Variants in FNIP1 observed in about 807,000 individuals in gnomAD.
FNIP1 encodes the protein folliculin interacting protein 1, also known as folliculin-interacting protein 1.
Under a neutral mutation model 124.5 loss-of-function variants are expected in FNIP1, and 40 were observed. The ratio of observed to expected loss-of-function variants is 0.32; its 90% CI spans 0.25 to 0.42. FNIP1 has a LOEUF of 0.42. Among genes scored for constraint, FNIP1 ranks in the 10% least tolerant of loss-of-function variants. The probability of loss-of-function intolerance (pLI) is 1.00; values close to 1 mark genes in which losing one functional copy is unlikely to be tolerated. For synonymous variants in FNIP1, 472 were observed against 470.6 expected, an observed-to-expected ratio of 1.00 and a Z score of -0.04; for missense variants, 1,176 against 1,403.7, an observed-to-expected ratio of 0.84 and a Z score of 2.59.
intron 3 of FNIP1, among the ~76,000 whole-genome samples, chr5:131,722,305 T>C (rs1334467405): frequency 1.3e-5 from 2 of 152,192 alleles, no homozygotes; most frequent in Non-Finnish European, 2.9e-5. Context: ...ACCTAGATAG[T>C]ACACTTTTAG....
rs543018844 is a variant in FNIP1 at position 131,666,290 on chromosome 5, T to C, written c.3108+4173A>G. Among the ~76,000 whole-genome samples the C allele has an allele frequency of 5.3e-5, 8 of 152,340 alleles. No individual in the cohort carries two copies. The South Asian group carries it at 1.7e-3, about 32-fold the overall frequency. The stretch of plus-strand genomic sequence containing the variant: ...ATTGAAGGTATTTTATTTTTCTTTT[T>C]GTCAAATTTTTCTATAATAGTGCTT... On this transcript the variant is annotated intron_variant, in intron 15 of 17. Transcript: ENST00000510461.
intron 1 of FNIP1, among the ~76,000 whole-genome samples, chr5:131,761,232 C>A (rs908690526): frequency 6.6e-6 from 1 of 152,156 alleles, no homozygotes; most frequent in African/African-American, 2.4e-5. Flanking sequence ...TAGCATTCAT[C>A]ATTCCCTCTG....
At chr5:131,718,569 A>G (rs917211943) in intron 5 of FNIP1, among the ~76,000 whole-genome samples, 3 of 152,208 alleles carry the variant, frequency 2.0e-5, no homozygotes, top group Admixed American at 6.5e-5. Flanking sequence ...CCTGGTGGCT[A>G]TCATTATATA....
intron 1 of FNIP1, among the ~76,000 whole-genome samples, chr5:131,764,105 T>A (rs1771339286): frequency 6.6e-6 from 1 of 151,960 alleles, no homozygotes; most frequent in Non-Finnish European, 1.5e-5. Context: ...TTGCTCCTGC[T>A]CTAGCCATGT....
At chr5:131,671,444 T>A (rs1266968973) in intron 14 of FNIP1, 61 bp downstream of exon 14, 2 of 1,326,754 alleles carry the variant, frequency 1.5e-6, no homozygotes, top group Non-Finnish European at 2.1e-6. Context: ...AGAGAACAGC[T>A]AAAAAAGAGA....
chr5:131,662,340 C>T (rs1767466286), intron 15 of FNIP1, among the ~76,000 whole-genome samples: 1 of 152,088 alleles, frequency 6.6e-6, no homozygotes, highest in African/African-American at 2.4e-5. Context: ...ATCATCTAAA[C>T]TTTAATAGGC....
chr5:131,730,826 A>G, intron 3 of FNIP1, 78 bp downstream of exon 3: 6 of 1,179,908 alleles, frequency 5.1e-6, no homozygotes, highest in Middle Eastern at 2.0e-4. Context: ...AATTGCTATT[A>G]TATCTCCACA....
chr5:131,696,691 A>G (rs1380131143), intron 11 of FNIP1, among the ~76,000 whole-genome samples: 1 of 152,298 alleles, frequency 6.6e-6, no homozygotes, highest in South Asian at 2.1e-4. Context: ...AAATTAATAT[A>G]TGGCAGAAAT....
At chr5:131,657,749 A>AAAAAAAAC (rs1767246492) in intron 15 of FNIP1, among the ~76,000 whole-genome samples, 2 of 150,964 alleles carry the variant, frequency 1.3e-5, no homozygotes, top group African/African-American at 4.9e-5. Context: ...AAAAAAAAAA[A>AAAAAAAAC]AAAAAAAAAC....
chr5:131,769,630 T>C (rs1341155947), intron 1 of FNIP1, among the ~76,000 whole-genome samples: 1 of 152,178 alleles, frequency 6.6e-6, no homozygotes, highest in Non-Finnish European at 1.5e-5. Context: ...CATGCTGCAA[T>C]GCAAAAAGGC....
chr5:131,697,037 T>A (rs1433701245), intron 11 of FNIP1, among the ~76,000 whole-genome samples: 1 of 152,210 alleles, frequency 6.6e-6, no homozygotes, highest in South Asian at 2.1e-4. Context: ...TTTTAAAATT[T>A]TATATATATG....
At chr5:131,750,453 G>C (rs562205049) in intron 1 of FNIP1, among the ~76,000 whole-genome samples, 1 of 152,116 alleles carries the variant, frequency 6.6e-6, no homozygotes, top group Admixed American at 6.5e-5. Flanking sequence ...CCAAGCAGTG[G>C]TTAGGGCAAG....
chr5:131,662,671 A>T (rs1767475298), intron 15 of FNIP1, among the ~76,000 whole-genome samples: 1 of 150,802 alleles, frequency 6.6e-6, no homozygotes. Flanking sequence ...CCTTCCATGC[A>T]CAGCTTCTCA....
intron 15 of FNIP1, among the ~76,000 whole-genome samples, chr5:131,660,088 C>T (rs1015388637): frequency 5.9e-5 from 9 of 152,102 alleles, no homozygotes; most frequent in African/African-American, 1.2e-4. Flanking sequence ...CCATTGTCGA[C>T]GACAAGCACA....
intron 3 of FNIP1, among the ~76,000 whole-genome samples, chr5:131,723,687 T>G (rs1043537513): frequency 2.1e-4 from 32 of 152,220 alleles, no homozygotes; most frequent in African/African-American, 7.0e-4. Flanking sequence ...AATGTTCCAC[T>G]TACCTGAAAT....
At chr5:131,795,472 C>T (rs905414974) in intron 1 of FNIP1, 3 of 152,164 alleles carry the variant, frequency 2.0e-5, no homozygotes, top group African/African-American at 7.2e-5. Flanking sequence ...TATTCAAATG[C>T]CACCTTTTAA....
rs776566651 is a variant in FNIP1 at position 131,716,662 on chromosome 5, G to C, written c.531-6C>G. Reference sequence around the variant, plus strand: ...ATTCAAGACTATCTTGTAGCCTATGGAGGGTGAGAAGAAAATTAATTCCAA... The same window carrying C: ...ATTCAAGACTATCTTGTAGCCTATGCAGGGTGAGAAGAAAATTAATTCCAA... On this transcript the variant is annotated splice_polypyrimidine_tract_variant and splice_region_variant and intron_variant, in intron 5 of 17. Coordinates refer to ENST00000510461, the MANE Select transcript of FNIP1 (RefSeq NM_133372.3). 2.0e-6 allele frequency: 3 copies of C among 1,537,852 alleles called. No individual in the cohort carries two copies. The highest frequency in any genetic ancestry group is 3.8e-5 in the Admixed American group (2 of 52,362).
chr5:131,790,177 A>G (rs966777235), intron 1 of FNIP1, among the ~76,000 whole-genome samples: 1 of 152,224 alleles, frequency 6.6e-6, no homozygotes, highest in South Asian at 2.1e-4. Context: ...GACAAATTAT[A>G]ATAAATTATT....
intron 6 of FNIP1, among the ~76,000 whole-genome samples, chr5:131,713,581 TAACTAGCTAAC>T (rs1214270457): frequency 2.2e-5 from 2 of 92,248 alleles, no homozygotes; most frequent in Middle Eastern, 6.2e-3. Context: ...TATACCTATC[TAACTAGCTAAC>T]AACAATGGAT....
Sources: gnomAD v4.1 joint callset for allele counts (sites outside exome capture counted in the v4.1 genomes callset) on GRCh38, gnomAD v4.1.1 for gene constraint, MANE v1.5 for transcripts, NCBI Gene and HGNC (gene_info 2026-07-23, HGNC 2026-07-21) for gene names.